CKS1B: variants seen among roughly 807,000 people sequenced by gnomAD.
CKS1B encodes the protein CDC28 protein kinase regulatory subunit 1B.
Under a neutral mutation model 12.2 loss-of-function variants are expected in CKS1B, and 5 were observed. That is an observed-to-expected ratio of 0.41 (90% CI 0.21 to 0.86). The LOEUF (loss-of-function observed/expected upper bound fraction) is 0.86. CKS1B is among the 40% of genes least tolerant of loss of function. The pLI, the probability that CKS1B is intolerant of heterozygous loss-of-function variation, is 0.32. For missense variants in CKS1B, 53 were observed against 99.9 expected (o/e 0.53, Z 2.00); for synonymous variants, 24 against 34.4 (o/e 0.70, Z 1.06).
At chr1:154,977,736 G>A (rs1391299758) in intron 1 of CKS1B, 8 of 443,034 alleles carry the variant, frequency 1.8e-5, no homozygotes, top group African/African-American at 8.1e-5. Context: ...CCATGAAGGC[G>A]GAGAAAATGT....
In CKS1B at chr1:154,978,075, CAG is replaced by C; in HGVS notation, c.151_152del (p.Gln52GlyfsTer9). On this transcript the variant is annotated frameshift_variant, in exon 2 of 3. Transcript: ENST00000308987. LOFTEE classifies it high-confidence loss of function. The part of the protein sequence containing the change: ...ESEWRNLGVQ[Q>X]SQGWVHYMIH... ...TGAATGGAGGAATCTTGGCGTTCAGCAGAGTCAGGGATGGGTCCATTATATGA... is the reference window on the plus strand; with the variant it reads ...TGAATGGAGGAATCTTGGCGTTCAGCAGTCAGGGATGGGTCCATTATATGA... 1 of 1,614,124 alleles carries C rather than the reference CAG, an allele frequency of 6.2e-7. No individual in the cohort carries two copies. The highest frequency in any genetic ancestry group is 8.5e-7 in the Non-Finnish European group (1 of 1,180,020).
At chr1:154,975,063 TCACC>T in intron 1 of CKS1B, 1 of 834,210 alleles carries the variant, frequency 1.2e-6, no homozygotes, top group Non-Finnish European at 2.0e-6. Flanking sequence ...CTGACCACCC[TCACC>T]CATGAGGCTT....
At chr1:154,974,966 G>C in intron 1 of CKS1B, 162 bp downstream of exon 1, 1 of 1,604,692 alleles carries the variant, frequency 6.2e-7, no homozygotes, top group Non-Finnish European at 8.5e-7. Context: ...CATGCGCGGA[G>C]GTGGGAGGCG....
intron 1 of CKS1B, chr1:154,975,089 C>A: frequency 1.4e-6 from 1 of 699,640 alleles, no homozygotes; most frequent in Non-Finnish European, 2.5e-6. Flanking sequence ...CTGGATCATT[C>A]TCTGAACTTT....
intron 1 of CKS1B, among the ~76,000 whole-genome samples, chr1:154,975,935 G>A (rs944555683): frequency 6.6e-6 from 1 of 151,978 alleles, no homozygotes; most frequent in African/African-American, 2.4e-5. Flanking sequence ...GAGGGAGGAG[G>A]GTGGGAGGAG....
chr1:154,975,013 T>G (rs1457000078), intron 1 of CKS1B: 4 of 1,399,962 alleles, frequency 2.9e-6, no homozygotes. Context: ...TGGAGTCGCC[T>G]CTCAGTAGAG....
chr1:154,978,879 G>T lies in CKS1B; in HGVS notation c.*102G>T, dbSNP rs927119640. 12 of 767,284 alleles carry T rather than the reference G, an allele frequency of 1.6e-5. No homozygotes were observed. The highest frequency in any genetic ancestry group is 3.6e-4 in the Middle Eastern group (1 of 2,790). 47.5% of individuals were successfully genotyped at this position (767,284 alleles called of 1,614,324 possible). On this transcript the variant is annotated 3_prime_UTR_variant, in exon 3 of 3. Transcript: ENST00000308987. ...ATGTTGCCTTCTTGTTTCTCACTTT[G>T]ATATTTAAAAGATGTTCAATACACT...
intron 1 of CKS1B, among the ~76,000 whole-genome samples, chr1:154,977,056 T>C (rs911395312): frequency 6.6e-6 from 1 of 152,180 alleles, no homozygotes; most frequent in Non-Finnish European, 1.5e-5. Flanking sequence ...AAGGTCTTGC[T>C]TTGTTGCCCA....
At position 154,978,903 on chromosome 1, in the gene CKS1B, CTGTT is replaced by C. The variant is rs762192911; in HGVS notation, c.*129_*132del. Reference sequence around the variant, plus strand: ...TGATATTTAAAAGATGTTCAATACACTGTTTGAATGTGCTGGTAACTGCTTTGCT... The same window carrying C: ...TGATATTTAAAAGATGTTCAATACACTGAATGTGCTGGTAACTGCTTTGCT... On this transcript the variant is annotated 3_prime_UTR_variant, in exon 3 of 3. Coordinates refer to ENST00000308987, the MANE Select transcript of CKS1B (RefSeq NM_001826.3). 2 of 676,904 alleles carry C rather than the reference CTGTT, an allele frequency of 3.0e-6. No homozygotes were observed. The highest frequency in any genetic ancestry group is 2.7e-5 in the East Asian group (1 of 36,646). The allele number at this position is 676,904 out of a possible 1,614,324, so 41.9% of individuals were successfully genotyped here.
chr1:154,979,118 T>C lies in CKS1B; in HGVS notation c.*341T>C. On this transcript the variant is annotated 3_prime_UTR_variant, in exon 3 of 3. Transcript: ENST00000308987. Reference sequence around the variant, plus strand: ...GGATCATGTAAACTTGCTGTTTTTGTTTTTTCCTGCCGGGTGTTGTATGTG... The same window carrying C: ...GGATCATGTAAACTTGCTGTTTTTGCTTTTTCCTGCCGGGTGTTGTATGTG... 4.1e-6 allele frequency: 1 copy of C among 246,402 alleles called. No homozygotes were observed. Among genetic ancestry groups the C allele is most frequent in the Non-Finnish European group, 7.9e-6 (1 of 125,896 alleles). The allele number at this position is 246,402 out of a possible 1,614,324, so 15.3% of individuals were successfully genotyped here. A position where few individuals can be genotyped will look rare whatever the true frequency, so the allele number is the denominator to read the frequency against.
intron 1 of CKS1B, chr1:154,977,557 G>C (rs1201290546): frequency 6.4e-6 from 1 of 156,384 alleles, no homozygotes; most frequent in Non-Finnish European, 1.4e-5. Context: ...AGATTTTAAA[G>C]GACAAGATAG....
chr1:154,976,338 T>C (rs1045385600), intron 1 of CKS1B, among the ~76,000 whole-genome samples: 7 of 152,226 alleles, frequency 4.6e-5, no homozygotes, highest in African/African-American at 1.4e-4. Context: ...ATTCCACAAA[T>C]GTTGGCATTA....
chr1:154,974,932 TGA>T (rs150541959), intron 1 of CKS1B, 128 bp downstream of exon 1: 60 of 1,613,492 alleles, frequency 3.7e-5, no homozygotes, highest in Admixed American at 5.0e-5. Flanking sequence ...GGCAATGGTG[TGA>T]TATTGTGGAA....
intron 1 of CKS1B, chr1:154,975,115 C>A: frequency 1.6e-6 from 1 of 640,368 alleles, no homozygotes; most frequent in South Asian, 1.8e-5. Context: ...GCAAACTTAA[C>A]TTGCCTTGTA....
At chr1:154,978,606 T>G in intron 2 of CKS1B, 119 bp from the exon 3 acceptor site, 1 of 814,616 alleles carries the variant, frequency 1.2e-6, no homozygotes, top group Non-Finnish European at 2.0e-6. Flanking sequence ...TATGCTTAAG[T>G]CTTTATTTAG....
At chr1:154,978,311 T>C (rs772592803) in intron 2 of CKS1B, 197 bp downstream of exon 2, 8 of 596,304 alleles carry the variant, frequency 1.3e-5, no homozygotes, top group Non-Finnish European at 2.3e-5. Flanking sequence ...AGACAACCTG[T>C]CACTGAAAAA....
chr1:154,978,236 G>A (rs1317229274), intron 2 of CKS1B, 122 bp downstream of exon 2: 6 of 1,067,146 alleles, frequency 5.6e-6, no homozygotes, highest in Non-Finnish European at 7.7e-6. Context: ...CCCTCCAGTC[G>A]TGGGGGATTT....
intron 1 of CKS1B, 37 bp from the exon 2 acceptor site, chr1:154,977,950 C>G: frequency 8.7e-6 from 14 of 1,603,514 alleles, no homozygotes; most frequent in South Asian, 1.1e-5. Context: ...GTATCTGGTA[C>G]TAACATAAAT....
intron 2 of CKS1B, 134 bp from the exon 3 acceptor site, chr1:154,978,591 G>A (rs1351160651): frequency 2.8e-5 from 20 of 713,114 alleles, no homozygotes; most frequent in Non-Finnish European, 4.9e-5. Context: ...CTGCTTCTAA[G>A]GCCATATGCT....
Sources: allele counts gnomAD v4.1 joint callset (sites outside exome capture counted in the v4.1 genomes callset), GRCh38; gene constraint gnomAD v4.1.1; transcripts MANE v1.5; gene names NCBI Gene and HGNC (gene_info 2026-07-23, HGNC 2026-07-21).